Variants in SEMA5A observed in about 807,000 individuals in gnomAD.
The protein encoded by SEMA5A is semaphorin 5A.
Under a neutral mutation model 135.5 loss-of-function variants are expected in SEMA5A, and 55 were observed. The ratio of observed to expected loss-of-function variants is 0.41; its 90% CI spans 0.33 to 0.51. SEMA5A has a LOEUF of 0.51. Among genes scored for constraint, SEMA5A ranks in the 20% least tolerant of loss-of-function variants. The pLI, the probability that SEMA5A is intolerant of heterozygous loss-of-function variation, is 0.37. For synonymous variants in SEMA5A, 580 were observed against 546.5 expected (o/e 1.06, Z -0.85); for missense variants, 1,290 against 1,419.9 (o/e 0.91, Z 1.47).
chr5:9,162,404 G>A (rs4702610), intron 11 of SEMA5A, among the ~76,000 whole-genome samples: 20 of 124,226 alleles, frequency 1.6e-4, no homozygotes, highest in South Asian at 4.8e-4. Flanking sequence ...GTGTGTGTGT[G>A]TATATATATG....
chr5:9,052,585 A>G (rs1012183233), intron 19 of SEMA5A, among the ~76,000 whole-genome samples: 1 of 152,184 alleles, frequency 6.6e-6, no homozygotes, highest in African/African-American at 2.4e-5. Context: ...CGCAGAGTCA[A>G]CATGCCAAAG....
At chr5:9,164,017 A>G (rs1476929084) in intron 11 of SEMA5A, among the ~76,000 whole-genome samples, 2 of 144,000 alleles carry the variant, frequency 1.4e-5, no homozygotes, top group East Asian at 2.0e-4. Context: ...ATATATATTT[A>G]TAATATAAAT....
At chr5:9,449,688 T>C (rs947030466) in intron 1 of SEMA5A, among the ~76,000 whole-genome samples, 73 of 152,146 alleles carry the variant, frequency 4.8e-4, no homozygotes, top group African/African-American at 1.7e-3. Flanking sequence ...TTAACATCAG[T>C]CAAAATCACC....
chr5:9,098,470 T>C (rs1739448206), intron 16 of SEMA5A, among the ~76,000 whole-genome samples: 1 of 152,160 alleles, frequency 6.6e-6, no homozygotes, highest in Admixed American at 6.5e-5. Context: ...TTAGCTCAAA[T>C]CCGTCAGCAG....
intron 4 of SEMA5A, among the ~76,000 whole-genome samples, chr5:9,334,190 G>T (rs1179495343): frequency 6.6e-6 from 1 of 151,714 alleles, no homozygotes; most frequent in Non-Finnish European, 1.5e-5. Context: ...CCAATAAATG[G>T]TTCCACAATG....
At chr5:9,465,845 C>G (rs1296433562) in intron 1 of SEMA5A, among the ~76,000 whole-genome samples, 1 of 152,126 alleles carries the variant, frequency 6.6e-6, no homozygotes, top group Non-Finnish European at 1.5e-5. Context: ...TTGGGAAAAA[C>G]AACATGTCAT....
At chr5:9,523,149 T>G (rs1736929016) in intron 1 of SEMA5A, 1 of 152,170 alleles carries the variant, frequency 6.6e-6, no homozygotes, top group African/African-American at 2.4e-5. Flanking sequence ...AATCAACAAA[T>G]GAAACGTACA....
intron 18 of SEMA5A, among the ~76,000 whole-genome samples, chr5:9,059,841 T>C (rs1486823594): frequency 6.6e-6 from 1 of 152,226 alleles, no homozygotes; most frequent in Non-Finnish European, 1.5e-5. Context: ...TGAGCCTCCA[T>C]GCCCGGCTGA....
Position 9,044,455 on chromosome 5 carries a change from G to A in SEMA5A, c.3023C>T (p.Pro1008Leu), listed in dbSNP as rs1318437368. ...QQSHDATVIH[P>L]VSPAPLNTSI... ...GGTATTAAGGGGGGCAGGTGAGACG[G>A]GGTGGATGACAGTCGCATCGTGGGA... Residue 1008 changes from proline to leucine, a missense_variant, in exon 22 of 23, where the codon CCC (proline) becomes CTC (leucine). Pro to Leu is a moderately conservative substitution (Grantham distance 98). This residue lies in a region of SEMA5A where 1,029 missense variants were observed against 1,086.6 expected (regional missense o/e 0.95). Transcript: ENST00000382496. The A allele has an allele frequency of 6.2e-7, 1 of 1,613,972 alleles. No homozygotes were observed. Among genetic ancestry groups the A allele is most frequent in the Admixed American group, 1.7e-5 (1 of 60,012 alleles).
At chr5:9,355,692 TG>T (rs1754410574) in intron 3 of SEMA5A, among the ~76,000 whole-genome samples, 1 of 152,110 alleles carries the variant, frequency 6.6e-6, no homozygotes, top group Admixed American at 6.5e-5. Flanking sequence ...GATAAAGGTT[TG>T]GTAGCCCTCA....
chr5:9,458,688 G>T (rs142186720), intron 1 of SEMA5A, among the ~76,000 whole-genome samples: 216 of 152,314 alleles, frequency 1.4e-3, no homozygotes, highest in African/African-American at 5.1e-3. Context: ...AGGGCTCCAT[G>T]TTCAAAGCTG....
intron 14 of SEMA5A, 128 bp downstream of exon 14, chr5:9,122,528 G>T: frequency 2.2e-6 from 2 of 921,924 alleles, no homozygotes; most frequent in Non-Finnish European, 2.9e-6. Context: ...GTTTTAAATG[G>T]TGAATGTCCC....
At chr5:9,415,880 G>A (rs751437455) in intron 2 of SEMA5A, among the ~76,000 whole-genome samples, 1 of 152,198 alleles carries the variant, frequency 6.6e-6, no homozygotes, top group Non-Finnish European at 1.5e-5. Context: ...TGCAGACTGT[G>A]AAATCTTCCA....
chr5:9,118,507 G>T (rs758673389), intron 15 of SEMA5A, among the ~76,000 whole-genome samples: 2 of 152,174 alleles, frequency 1.3e-5, no homozygotes, highest in Non-Finnish European at 1.5e-5. Context: ...GGGTTGTGCT[G>T]CAGCTTCATT....
intron 5 of SEMA5A, among the ~76,000 whole-genome samples, chr5:9,303,592 G>C (rs1412236688): frequency 2.6e-5 from 4 of 152,044 alleles, no homozygotes; most frequent in African/African-American, 4.8e-5. Context: ...AGCTGGAAGA[G>C]AGACTTTCGA....
At chr5:9,477,957 G>A (rs138631451) in intron 1 of SEMA5A, among the ~76,000 whole-genome samples, 38 of 152,338 alleles carry the variant, frequency 2.5e-4, no homozygotes, top group African/African-American at 8.4e-4. Flanking sequence ...CAGGCCTGGA[G>A]GCCCATGAGG....
In SEMA5A at chr5:9,038,115, T is replaced by C. The variant is rs77458308; in HGVS notation, c.*4782A>G. ...CTTCCCCAAGTGCATCAGGAAGTGA[T>C]GAAGAAGTTAGGATGAACAAATGGG... On this transcript the variant is annotated 3_prime_UTR_variant, in exon 23 of 23. Transcript: ENST00000382496. 3.2e-4 allele frequency: 49 copies of C among 152,282 alleles called. No individual in the cohort carries two copies. Among genetic ancestry groups the C allele is most frequent in the Admixed American group, 3.0e-3 (46 of 15,290 alleles). 9.4% of individuals were successfully genotyped at this position (152,282 alleles called of 1,614,324 possible).
rs1553993746 is a variant in SEMA5A at position 9,154,062 on chromosome 5, AATATATATATAT to A, written c.1481+414_1481+425del. 5.9e-5 allele frequency among the ~76,000 whole-genome samples: 4 copies of A among 68,298 alleles called. No homozygotes were observed. The South Asian group carries it at 1.6e-3, about 27-fold the overall frequency. The allele number at this position is 68,298 out of a possible 152,430, so 44.8% of individuals were successfully genotyped here. A position where few individuals can be genotyped will look rare whatever the true frequency, so the allele number is the denominator to read the frequency against. On this transcript the variant is annotated intron_variant, in intron 12 of 22. Transcript: ENST00000382496. The stretch of plus-strand genomic sequence containing the variant: ...CTGTGTCTCAAAAAAAAAAAAAAAA[AATATATATATAT>A]ATATATATATATATATATATGTGTG...
chr5:9,479,582 A>G (rs1490280455), intron 1 of SEMA5A, among the ~76,000 whole-genome samples: 1 of 152,198 alleles, frequency 6.6e-6, no homozygotes, highest in Non-Finnish European at 1.5e-5. Context: ...ATGTATGTAC[A>G]GTGCCCTGGA....
Sources: allele counts gnomAD v4.1 joint callset (sites outside exome capture counted in the v4.1 genomes callset), GRCh38; gene constraint gnomAD v4.1.1; regional missense constraint gnomAD v4.1.1; transcripts MANE v1.5; gene names NCBI Gene and HGNC (gene_info 2026-07-23, HGNC 2026-07-21).